DEPDC1B: variants seen among roughly 807,000 people sequenced by gnomAD.
DEPDC1B encodes the protein DEP domain containing 1B.
DEPDC1B carries 51 observed loss-of-function variants against 66.5 expected under a neutral mutation model. The ratio of observed to expected loss-of-function variants is 0.77; its 90% CI spans 0.61 to 0.97. DEPDC1B has a LOEUF of 0.97. Ranked by LOEUF, DEPDC1B falls within the 50% of genes least tolerant of loss-of-function variation. The pLI is 0.00. For missense variants in DEPDC1B, 552 were observed against 637.1 expected (o/e 0.87, Z 1.44); for synonymous variants, 226 against 223.6 (o/e 1.01, Z -0.10).
chr5:60,638,708 A>AT, intron 7 of DEPDC1B, 42 bp downstream of exon 7: 4 of 1,536,092 alleles, frequency 2.6e-6, no homozygotes, highest in Non-Finnish European at 2.6e-6. Context: ...AAACGATTCA[A>AT]TATCAGTGAT....
chr5:60,641,086 C>T (rs1050598708), intron 6 of DEPDC1B, among the ~76,000 whole-genome samples: 1 of 152,182 alleles, frequency 6.6e-6, no homozygotes, highest in Admixed American at 6.5e-5. Flanking sequence ...TATCATGCCA[C>T]CTCACACACA....
At chr5:60,668,002 A>T (rs1464412617) in intron 2 of DEPDC1B, among the ~76,000 whole-genome samples, 3 of 110,130 alleles carry the variant, frequency 2.7e-5, no homozygotes, top group South Asian at 2.7e-4. Context: ...TATATATATA[A>T]AATGGATATT....
intron 2 of DEPDC1B, among the ~76,000 whole-genome samples, chr5:60,668,039 ATATATATATAAAATGGATATTT>A (rs1414069915): frequency 7.6e-5 from 8 of 105,890 alleles, no homozygotes; most frequent in Non-Finnish European, 1.8e-5. Flanking sequence ...TGGATATTTT[ATATATATATAAAATGGATATTT>A]TATATATATA....
intron 2 of DEPDC1B, among the ~76,000 whole-genome samples, chr5:60,658,067 ATTTG>A (rs1339368501): frequency 6.6e-6 from 1 of 152,000 alleles, no homozygotes; most frequent in African/African-American, 2.4e-5. Flanking sequence ...TCTTTCTTCT[ATTTG>A]TTTGATTCTA....
intron 9 of DEPDC1B, among the ~76,000 whole-genome samples, chr5:60,599,951 TC>T (rs1584016655): frequency 1.3e-5 from 2 of 152,134 alleles, no homozygotes; most frequent in East Asian, 3.9e-4. Flanking sequence ...CTTTAATTCC[TC>T]TAGGGCCACT....
At chr5:60,618,281 T>G (rs1477016019) in intron 7 of DEPDC1B, among the ~76,000 whole-genome samples, 1 of 151,992 alleles carries the variant, frequency 6.6e-6, no homozygotes, top group Non-Finnish European at 1.5e-5. Flanking sequence ...AAGAAATAAC[T>G]AAGATCAGAG....
intron 7 of DEPDC1B, among the ~76,000 whole-genome samples, chr5:60,609,520 A>T (rs981987827): frequency 2.6e-5 from 4 of 152,194 alleles, no homozygotes; most frequent in African/African-American, 9.7e-5. Flanking sequence ...GTGGAAGGAG[A>T]GGGAGTTGCT....
At chr5:60,668,031 G>GATATTTTATATATATATAAAATGC (rs1753919223) in intron 2 of DEPDC1B, among the ~76,000 whole-genome samples, 1 of 94,096 alleles carries the variant, frequency 1.1e-5, no homozygotes, top group Non-Finnish European at 1.9e-5. Flanking sequence ...ATATAAAATG[G>GATATTTTATATATATATAAAATGC]ATATTTTATA....
At chr5:60,698,073 C>A (rs769369217) in intron 1 of DEPDC1B, among the ~76,000 whole-genome samples, 9 of 152,068 alleles carry the variant, frequency 5.9e-5, no homozygotes, top group Non-Finnish European at 1.2e-4. Context: ...CTAGTCACGT[C>A]AAGAACCACA....
chr5:60,690,585 CAT>C (rs1554056319), intron 1 of DEPDC1B, among the ~76,000 whole-genome samples: 2 of 152,134 alleles, frequency 1.3e-5, no homozygotes, highest in Non-Finnish European at 2.9e-5. Context: ...CCTTAAAATT[CAT>C]AGTCATATTC....
intron 7 of DEPDC1B, among the ~76,000 whole-genome samples, chr5:60,625,278 G>C (rs996907884): frequency 6.6e-6 from 1 of 152,126 alleles, no homozygotes; most frequent in Non-Finnish European, 1.5e-5. Context: ...GGATGGCTGG[G>C]TCAAATGGTA....
At chr5:60,616,362 C>T (rs1001301998) in intron 7 of DEPDC1B, among the ~76,000 whole-genome samples, 1 of 152,004 alleles carries the variant, frequency 6.6e-6, no homozygotes, top group Non-Finnish European at 1.5e-5. Flanking sequence ...GGAGGAAGTT[C>T]GAACCCATGG....
At chr5:60,633,420 T>C (rs895025864) in intron 7 of DEPDC1B, among the ~76,000 whole-genome samples, 1 of 152,148 alleles carries the variant, frequency 6.6e-6, no homozygotes, top group Non-Finnish European at 1.5e-5. Flanking sequence ...AACTGTGAAG[T>C]AGACTTGGGA....
chr5:60,628,371 G>A lies in DEPDC1B; in HGVS notation c.898+10379C>T, dbSNP rs183078841. ...CTATTCTTTTTGGGAGCTCTGAAAA[G>A]AAATGAAACATGAAGGTTTTTGAGA... On this transcript the variant is annotated intron_variant, in intron 7 of 10. Transcript: ENST00000265036. The A allele has an allele frequency of 8.3e-4, 127 of 152,204 alleles. 1 individual carries two copies. The highest frequency in any genetic ancestry group is 3.0e-3 in the African/African-American group (125 of 41,548). The allele number at this position is 152,204 out of a possible 1,614,324, so 9.4% of individuals were successfully genotyped here.
chr5:60,660,971 T>G (rs1753701172), intron 2 of DEPDC1B, among the ~76,000 whole-genome samples: 1 of 152,200 alleles, frequency 6.6e-6, no homozygotes, highest in Non-Finnish European at 1.5e-5. Context: ...AATTGCCTAA[T>G]AACTGGTCTG....
At chr5:60,656,369 C>T (rs1427929295) in intron 2 of DEPDC1B, among the ~76,000 whole-genome samples, 2 of 151,918 alleles carry the variant, frequency 1.3e-5, no homozygotes, top group East Asian at 1.9e-4. Flanking sequence ...ACTGTGGTCT[C>T]GATCTCCTGA....
chr5:60,635,171 A>G (rs2111838617), intron 7 of DEPDC1B, among the ~76,000 whole-genome samples: 1 of 152,344 alleles, frequency 6.6e-6, no homozygotes, highest in Non-Finnish European at 1.5e-5. Flanking sequence ...TGTCTGGTCA[A>G]GCACACAAAC....
chr5:60,615,899 G>A (rs1426046915), intron 7 of DEPDC1B, among the ~76,000 whole-genome samples: 1 of 152,172 alleles, frequency 6.6e-6, no homozygotes, highest in Non-Finnish European at 1.5e-5. Flanking sequence ...CCGCAGTAGG[G>A]GCTGAATGAC....
Position 60,647,702 on chromosome 5 carries a change from TAAAGA to T in DEPDC1B, c.315-174_315-170del, listed in dbSNP as rs1219641799. On this transcript the variant is annotated intron_variant, in intron 2 of 10. Coordinates refer to ENST00000265036, the MANE Select transcript of DEPDC1B (RefSeq NM_018369.3). ...TTAAACTGCTCTATACCATACCTGATAAAGAAAAGAAAGGTGATTGAATACATATT... is the reference window on the plus strand; with the variant it reads ...TTAAACTGCTCTATACCATACCTGATAAAGAAAGGTGATTGAATACATATT... 1.1e-5 allele frequency: 6 copies of T among 547,862 alleles called. No homozygotes were observed. The Admixed American group carries it at 1.3e-4, about 12-fold the overall frequency. The allele number at this position is 547,862 out of a possible 1,614,324, so 33.9% of individuals were successfully genotyped here.
Sources: allele counts gnomAD v4.1 joint callset (sites outside exome capture counted in the v4.1 genomes callset), GRCh38; gene constraint gnomAD v4.1.1; transcripts MANE v1.5; gene names NCBI Gene and HGNC (gene_info 2026-07-23, HGNC 2026-07-21).